Variants in STAM2 observed in about 807,000 individuals in gnomAD.
The protein encoded by STAM2 is signal transducing adaptor molecule 2.
STAM2 carries 51 observed loss-of-function variants against 65.6 expected under a neutral mutation model. That is an observed-to-expected ratio of 0.78 (90% CI 0.62 to 0.98). STAM2 has a LOEUF of 0.98. Among genes scored for constraint, STAM2 ranks in the 50% least tolerant of loss-of-function variants. The pLI is 0.00. For missense variants in STAM2, 584 were observed against 617.8 expected, an observed-to-expected ratio of 0.95 and a Z score of 0.58; for synonymous variants, 198 against 208.4, an observed-to-expected ratio of 0.95 and a Z score of 0.43.
intron 7 of STAM2, among the ~76,000 whole-genome samples, chr2:152,140,643 T>C (rs1689229192): frequency 6.6e-6 from 1 of 152,206 alleles, no homozygotes; most frequent in Non-Finnish European, 1.5e-5. Context: ...GGAGGCAACT[T>C]TTCTAAAGCC....
At chr2:152,152,239 T>G (rs968506876) in intron 1 of STAM2, among the ~76,000 whole-genome samples, 1 of 151,694 alleles carries the variant, frequency 6.6e-6, no homozygotes, top group Admixed American at 6.6e-5. Flanking sequence ...TCATGCCCAG[T>G]CAACATTTGG....
At chr2:152,139,543 G>A (rs555810014) in intron 7 of STAM2, among the ~76,000 whole-genome samples, 78 of 152,094 alleles carry the variant, frequency 5.1e-4, no homozygotes, top group African/African-American at 1.1e-3. Flanking sequence ...CTCCAGCCTC[G>A]GTAACCCAGT....
chr2:152,169,451 A>AT (rs1299994778), intron 1 of STAM2, among the ~76,000 whole-genome samples: 2 of 151,906 alleles, frequency 1.3e-5, no homozygotes, highest in Non-Finnish European at 2.9e-5. Context: ...TAATTTTTGT[A>AT]TTTTTTGTAG....
intron 1 of STAM2, among the ~76,000 whole-genome samples, chr2:152,175,237 A>AT (rs1396967501): frequency 6.6e-6 from 1 of 152,206 alleles, no homozygotes; most frequent in Non-Finnish European, 1.5e-5. Context: ...TCAGAAAACG[A>AT]TGGGGCAAAG....
chr2:152,160,069 C>T (rs1579331508), intron 1 of STAM2, among the ~76,000 whole-genome samples: 1 of 152,336 alleles, frequency 6.6e-6, no homozygotes, highest in African/African-American at 2.4e-5. Context: ...GGCGTGATCT[C>T]GGCTGGCTAC....
intron 7 of STAM2, among the ~76,000 whole-genome samples, chr2:152,137,596 T>C (rs11883823): frequency 0.2 from 30,514 of 152,150 alleles, 4,735 homozygotes; most frequent in East Asian, 0.58. Context: ...ATGGTTTCTT[T>C]AACTGTACAG....
intron 1 of STAM2, among the ~76,000 whole-genome samples, chr2:152,172,875 AAAG>A (rs1689921104): frequency 6.6e-6 from 1 of 151,884 alleles, no homozygotes; most frequent in African/African-American, 2.4e-5. Context: ...AAAAAAAAAA[AAAG>A]AAAAAGAAAA....
At chr2:152,167,082 T>C (rs1447119168) in intron 1 of STAM2, among the ~76,000 whole-genome samples, 2 of 152,124 alleles carry the variant, frequency 1.3e-5, no homozygotes, top group Non-Finnish European at 2.9e-5. Context: ...ATTTTTTAAA[T>C]CCTTCATCAT....
intron 7 of STAM2, among the ~76,000 whole-genome samples, chr2:152,142,833 T>C (rs557005757): frequency 4.8e-4 from 73 of 152,346 alleles, no homozygotes; most frequent in African/African-American, 1.7e-3. Flanking sequence ...CTATCTTGAT[T>C]GCCTAAGAGA....
intron 1 of STAM2, among the ~76,000 whole-genome samples, chr2:152,155,926 C>T (rs1256175966): frequency 2.6e-5 from 4 of 152,064 alleles, no homozygotes; most frequent in Non-Finnish European, 5.9e-5. Context: ...AGAATCTATC[C>T]TTTCTTCACT....
intron 1 of STAM2, among the ~76,000 whole-genome samples, chr2:152,167,712 T>C (rs977117106): frequency 3.4e-5 from 5 of 148,814 alleles, no homozygotes. Context: ...CTGGACAACA[T>C]GGTGAAACCT....
At position 152,175,635 on chromosome 2, in the gene STAM2, A is replaced by C; in HGVS notation, c.8T>G (p.Leu3Trp). 1 of 1,613,662 alleles carries C rather than the reference A, an allele frequency of 6.2e-7. No individual in the cohort carries two copies. Residue 3 changes from leucine to tryptophan, a missense_variant, in exon 1 of 14, where the codon TTG becomes TGG. Transcript: ENST00000263904. MP[L>W]FTANPFEQDV... Reference sequence around the variant, plus strand: ...TTGCTCGAAGGGGTTGGCGGTGAACAAAGGCATCTCGCCGGCGCCCGAGCC... The same window carrying C: ...TTGCTCGAAGGGGTTGGCGGTGAACCAAGGCATCTCGCCGGCGCCCGAGCC...
chr2:152,159,130 A>AT (rs974745939), intron 1 of STAM2, among the ~76,000 whole-genome samples: 1 of 86,860 alleles, frequency 1.2e-5, no homozygotes, highest in Admixed American at 1.2e-4. Flanking sequence ...GATATATATA[A>AT]TTTTTTTTCT....
intron 7 of STAM2, among the ~76,000 whole-genome samples, chr2:152,139,639 T>C (rs1181912456): frequency 6.6e-6 from 1 of 152,236 alleles, no homozygotes; most frequent in Non-Finnish European, 1.5e-5. Flanking sequence ...TATGTTATCT[T>C]GCTTTACCTT....
intron 13 of STAM2, among the ~76,000 whole-genome samples, chr2:152,121,282 T>C (rs548594409): frequency 6.6e-6 from 1 of 152,330 alleles, no homozygotes; most frequent in South Asian, 2.1e-4. Context: ...CTTGTTAATG[T>C]AATTTTTATA....
At chr2:152,160,831 G>T (rs542667238) in intron 1 of STAM2, among the ~76,000 whole-genome samples, 1 of 146,482 alleles carries the variant, frequency 6.8e-6, no homozygotes, top group Non-Finnish European at 1.5e-5. Flanking sequence ...TGGTGGGGGG[G>T]TCAGCCCCCC....
intron 1 of STAM2, among the ~76,000 whole-genome samples, chr2:152,160,357 TGTG>T (rs1485144305): frequency 5.4e-5 from 8 of 149,002 alleles, no homozygotes; most frequent in African/African-American, 7.5e-5. Flanking sequence ...TCGTCTGAGA[TGTG>T]GGGAGCGCCT....
rs192691452 is a variant in STAM2 at position 152,133,190 on chromosome 2, T to C, written c.953A>G (p.Asp318Gly). ...CTAAGTACCTTCTAAATCCAAAAGG[T>C]CTTGGGAGTCTGGTTTTGAATCTGT... ...DPTDSKPDSQ[D>G]LLDLEDICQQ... The change falls in exon 10 of 14, where the codon GAC becomes GGC. Residue 318 changes from aspartate to glycine, a missense_variant. Physicochemically the swap from Asp to Gly is moderately conservative, Grantham distance 94 (BLOSUM62 -1). Transcript: ENST00000263904. 6.2e-5 allele frequency: 99 copies of C among 1,593,448 alleles called. 1 individual carries two copies. In the East Asian group the frequency reaches 2.2e-3, roughly 35 times the overall value.
At chr2:152,165,842 T>C (rs141553390) in intron 1 of STAM2, among the ~76,000 whole-genome samples, 151 of 152,276 alleles carry the variant, frequency 9.9e-4, no homozygotes, top group African/African-American at 3.5e-3. Context: ...AAAGAGAACA[T>C]TCATTTAGCA....
Sources: allele counts gnomAD v4.1 joint callset (sites outside exome capture counted in the v4.1 genomes callset), GRCh38; gene constraint gnomAD v4.1.1; transcripts MANE v1.5; gene names NCBI Gene and HGNC (gene_info 2026-07-23, HGNC 2026-07-21).